The following XIRP2 variants were observed in gnomAD, a reference collection of about 807,000 sequenced individuals.
The protein encoded by XIRP2 is xin actin binding repeat containing 2.
Under a neutral mutation model 277.0 loss-of-function variants are expected in XIRP2, and 236 were observed. That is an observed-to-expected ratio of 0.85 (90% CI 0.77 to 0.95). The LOEUF (loss-of-function observed/expected upper bound fraction) is 0.95, where lower values mean the gene tolerates loss of function less well. XIRP2 is among the 40% of genes least tolerant of loss of function. The pLI is 0.00. For missense variants in XIRP2, 4,640 were observed against 4,157.5 expected, an observed-to-expected ratio of 1.12 and a Z score of -3.19; for synonymous variants, 1,490 against 1,416.5, an observed-to-expected ratio of 1.05 and a Z score of -1.17.
rs1020590390 is a variant in XIRP2, at chr2:167,245,403, T to C, written c.4011T>C (p.Val1337=). Residue 1337 remains valine (V), a synonymous_variant, in exon 9 of 11, where the codon GTT becomes GTC. Coordinates refer to ENST00000409195, the MANE Select transcript of XIRP2 (RefSeq NM_152381.6). ...GGTCCTATCATGAAGTGACCACAGTTAAAAAAGAAGAGGTAATTCATGGAG... is the reference window on the plus strand; with the variant it reads ...GGTCCTATCATGAAGTGACCACAGTCAAAAAAGAAGAGGTAATTCATGGAG... ...REGSYHEVTT[V]KKEEVIHGDV... is the part of the protein sequence containing the mutation. 2 of 1,613,506 alleles carry C rather than the reference T, an allele frequency of 1.2e-6. No homozygotes were observed. Among genetic ancestry groups the C allele is most frequent in the Non-Finnish European group, 1.7e-6 (2 of 1,179,682 alleles).
chr2:166,903,994 C>T lies in XIRP2; in HGVS notation c.408+104C>T. Reference sequence around the variant, plus strand: ...TCTTTCCCCCCGCCAGTATTCTAGACAGATGTCCTGAAGCCGATGTGTAAT... The same window carrying T: ...TCTTTCCCCCCGCCAGTATTCTAGATAGATGTCCTGAAGCCGATGTGTAAT... On this transcript the variant is annotated intron_variant, in intron 2 of 10. Transcript: ENST00000409195. 3 of 1,356,380 alleles carry T rather than the reference C, an allele frequency of 2.2e-6. No individual in the cohort carries two copies. The South Asian group carries it at 4.3e-5, about 19-fold the overall frequency. 84.0% of individuals were successfully genotyped at this position (1,356,380 alleles called of 1,614,324 possible).
rs113544945 is a variant in XIRP2 at position 167,219,490 on chromosome 2, G to C, written c.858+1190G>C. ...TCCTTCACTTTGAAGGGAAGCAGTG[G>C]GGACTATGGACTATGGGGCTTGTGG... On this transcript the variant is annotated intron_variant, in intron 5 of 10. Coordinates refer to ENST00000409195, the MANE Select transcript of XIRP2 (RefSeq NM_152381.6). 7.4e-3 allele frequency among the ~76,000 whole-genome samples: 1,129 copies of C among 152,176 alleles called. 8 individuals carry two copies. The highest frequency in any genetic ancestry group is 0.024 in the Middle Eastern group (7 of 292).
At chr2:167,168,026 C>T (rs1159579757) in intron 3 of XIRP2, among the ~76,000 whole-genome samples, 1 of 152,084 alleles carries the variant, frequency 6.6e-6, no homozygotes, top group Non-Finnish European at 1.5e-5. Context: ...GTATTTTCCT[C>T]TCAACACTTG....
intron 2 of XIRP2, among the ~76,000 whole-genome samples, chr2:166,945,442 G>T (rs1416609508): frequency 2.6e-5 from 4 of 151,894 alleles, no homozygotes; most frequent in East Asian, 3.9e-4. Context: ...TATGAGAGCT[G>T]TAAAAAGTAA....
At chr2:167,219,894 G>C (rs879478501) in intron 5 of XIRP2, among the ~76,000 whole-genome samples, 1 of 152,096 alleles carries the variant, frequency 6.6e-6, no homozygotes, top group Non-Finnish European at 1.5e-5. Flanking sequence ...CTTGATATTG[G>C]TTAAGACTCT....
intron 2 of XIRP2, among the ~76,000 whole-genome samples, chr2:167,092,452 A>T (rs942804398): frequency 1.3e-5 from 2 of 152,170 alleles, no homozygotes; most frequent in Admixed American, 1.3e-4. Context: ...TGCAAACAAA[A>T]TAGTTTGTAA....
At chr2:167,022,264 T>C (rs1688004717) in intron 2 of XIRP2, among the ~76,000 whole-genome samples, 1 of 152,126 alleles carries the variant, frequency 6.6e-6, no homozygotes, top group African/African-American at 2.4e-5. Context: ...ACAACAGATA[T>C]TTTTATGTAG....
intron 3 of XIRP2, among the ~76,000 whole-genome samples, chr2:167,185,077 G>A (rs1353683206): frequency 1.3e-5 from 2 of 152,112 alleles, no homozygotes; most frequent in Non-Finnish European, 2.9e-5. Flanking sequence ...GAAATTTAGT[G>A]TCTAAAACCA....
chr2:166,975,325 TCAAA>T (rs1686681591), intron 2 of XIRP2, among the ~76,000 whole-genome samples: 1 of 152,122 alleles, frequency 6.6e-6, no homozygotes, highest in Non-Finnish European at 1.5e-5. Flanking sequence ...GAACAATACT[TCAAA>T]CAAGTACGGA....
chr2:166,942,762 A>G (rs1685753815), intron 2 of XIRP2, among the ~76,000 whole-genome samples: 1 of 152,164 alleles, frequency 6.6e-6, no homozygotes, highest in Non-Finnish European at 1.5e-5. Flanking sequence ...GAAAAGAAAT[A>G]TCAGTATGAG....
intron 3 of XIRP2, among the ~76,000 whole-genome samples, chr2:167,163,866 T>C (rs530614101): frequency 1.3e-5 from 2 of 152,348 alleles, no homozygotes; most frequent in South Asian, 4.1e-4. Flanking sequence ...TTTATTTCCG[T>C]GTGGATGACC....
Position 167,242,727 on chromosome 2 carries a change from T to C in XIRP2, c.1335T>C (p.Ser445=), listed in dbSNP as rs752657845. The C allele has an allele frequency of 6.2e-7, 1 of 1,614,086 alleles. No homozygotes were observed. The highest frequency in any genetic ancestry group is 1.7e-5 in the Admixed American group (1 of 60,022). The change falls in exon 9 of 11, where the codon TCT becomes TCC. Residue 445 remains serine (S), a synonymous_variant. Coordinates refer to ENST00000409195, the MANE Select transcript of XIRP2 (RefSeq NM_152381.6). The part of the protein sequence containing the change: ...SSTLAQINAT[S]SGMTEEFPPP... ...CTCTGGCACAAATTAATGCTACTTC[T>C]TCAGGAATGACAGAAGAATTTCCTC...
rs73027833 is a variant in XIRP2 at position 167,186,872 on chromosome 2, C to T, written c.563-23863C>T. ...AAGCCAACACTAGAGTAGTGTTTTGCTTTATATGTGAAGCCTTAAAAAACA... is the reference window on the plus strand; with the variant it reads ...AAGCCAACACTAGAGTAGTGTTTTGTTTTATATGTGAAGCCTTAAAAAACA... On this transcript the variant is annotated intron_variant, in intron 3 of 10. Coordinates refer to ENST00000409195, the MANE Select transcript of XIRP2 (RefSeq NM_152381.6). Among the ~76,000 whole-genome samples, 633 of 149,992 alleles carry T rather than the reference C, an allele frequency of 4.2e-3. 5 individuals are homozygous for T. Among genetic ancestry groups the T allele is most frequent in the African/African-American group, 0.015 (616 of 40,730 alleles).
In XIRP2 at chr2:167,249,966, C is replaced by G; in HGVS notation, c.8574C>G (p.Ile2858Met). Residue 2858 changes from isoleucine (I) to methionine (M), a missense_variant, in exon 9 of 11, where the codon ATC becomes ATG. Ile to Met is a conservative substitution (Grantham distance 10). Coordinates refer to ENST00000409195, the MANE Select transcript of XIRP2 (RefSeq NM_152381.6). ...CAAAGGTCGTCAAGCAAAAGGTTAT[C>G]GATGCACATCTTGATTCACAGACTC... ...SAPKVVKQKV[I>M]DAHLDSQTQN... The G allele has an allele frequency of 6.2e-7, 1 of 1,613,544 alleles. No homozygotes were observed. The highest frequency in any genetic ancestry group is 8.5e-7 in the Non-Finnish European group (1 of 1,179,658).
chr2:167,257,528 T>A (rs1435745580), intron 10 of XIRP2, among the ~76,000 whole-genome samples: 1 of 151,966 alleles, frequency 6.6e-6, no homozygotes, highest in East Asian at 1.9e-4. Flanking sequence ...CAGGATTTAT[T>A]GGAAATTACA....
chr2:167,148,676 A>T (rs1014627913), intron 3 of XIRP2, among the ~76,000 whole-genome samples: 4 of 152,182 alleles, frequency 2.6e-5, no homozygotes, highest in African/African-American at 9.6e-5. Context: ...AGAAAAAGTT[A>T]GGCATATACA....
chr2:166,967,471 A>C (rs560005947), intron 2 of XIRP2, among the ~76,000 whole-genome samples: 1 of 152,052 alleles, frequency 6.6e-6, no homozygotes, highest in Non-Finnish European at 1.5e-5. Context: ...TTGTCAGCAC[A>C]AAGTTGTCTT....
At chr2:167,067,029 T>G (rs1254163824) in intron 2 of XIRP2, among the ~76,000 whole-genome samples, 1 of 152,120 alleles carries the variant, frequency 6.6e-6, no homozygotes. Context: ...TCTATTACTT[T>G]TATTTTGTCA....
chr2:167,157,284 A>G (rs1417528413), intron 3 of XIRP2, among the ~76,000 whole-genome samples: 1 of 150,128 alleles, frequency 6.7e-6, no homozygotes, highest in Non-Finnish European at 1.5e-5. Context: ...CATTCATTCA[A>G]GCATTCATTT....
Sources: allele counts gnomAD v4.1 joint callset (sites outside exome capture counted in the v4.1 genomes callset), GRCh38; gene constraint gnomAD v4.1.1; transcripts MANE v1.5; gene names NCBI Gene and HGNC (gene_info 2026-07-23, HGNC 2026-07-21).